VAV3: variants seen among roughly 807,000 people sequenced by gnomAD.
VAV3 encodes the protein vav guanine nucleotide exchange factor 3, also known as guanine nucleotide exchange factor VAV3.
In VAV3, 94 loss-of-function variants were observed where a neutral mutation model predicts 131.2. The observed-to-expected ratio is 0.72, with a 90% CI of 0.61 to 0.85. The LOEUF is 0.85. Among genes scored for constraint, VAV3 ranks in the 40% least tolerant of loss-of-function variants. VAV3 has a pLI of 0.00. For synonymous variants in VAV3, 349 were observed against 342.0 expected (o/e 1.02, Z -0.22); for missense variants, 939 against 1,002.7 (o/e 0.94, Z 0.86).
Position 107,725,145 on chromosome 1 carries a change from G to A in VAV3, c.1503-20084C>T, listed in dbSNP as rs150671964. 2.3e-3 allele frequency among the ~76,000 whole-genome samples: 350 copies of A among 152,248 alleles called. 3 individuals carry two copies. The highest frequency in any genetic ancestry group is 7.8e-3 in the African/African-American group (323 of 41,562). Reference sequence around the variant, plus strand: ...ATAAAACCATGGAGAGGGGCATGTCGGTTTAGAGAGGTCACTCTTACAACA... The same window carrying A: ...ATAAAACCATGGAGAGGGGCATGTCAGTTTAGAGAGGTCACTCTTACAACA... On this transcript the variant is annotated intron_variant, in intron 15 of 26. Coordinates refer to ENST00000370056, the MANE Select transcript of VAV3 (RefSeq NM_006113.5).
rs1674275749 is a variant in VAV3, at chr1:107,946,628, A to G, written c.204+18038T>C. On this transcript the variant is annotated intron_variant, in intron 1 of 26. Coordinates refer to ENST00000370056, the MANE Select transcript of VAV3 (RefSeq NM_006113.5). ...AAGGACATGGACAGTCATGCTATCC[A>G]TAAAAGAGAAGGACTGAAAATAATC... Among the ~76,000 whole-genome samples, 3 of 152,254 alleles carry G rather than the reference A, an allele frequency of 2.0e-5. No individual in the cohort carries two copies. In the South Asian group the frequency reaches 6.2e-4, roughly 31 times the overall value.
At chr1:107,616,384 T>C (rs912780320) in intron 21 of VAV3, among the ~76,000 whole-genome samples, 1 of 152,016 alleles carries the variant, frequency 6.6e-6, no homozygotes, top group African/African-American at 2.4e-5. Context: ...AAAGTTAAAA[T>C]TGAGTATACA....
chr1:107,679,795 C>T (rs956315710), intron 19 of VAV3, among the ~76,000 whole-genome samples: 1 of 152,124 alleles, frequency 6.6e-6, no homozygotes, highest in African/African-American at 2.4e-5. Flanking sequence ...GGCCTAGCAC[C>T]TCCGTGTTCC....
chr1:107,803,511 G>T (rs1666922141), intron 2 of VAV3, among the ~76,000 whole-genome samples: 1 of 152,026 alleles, frequency 6.6e-6, no homozygotes, highest in African/African-American at 2.4e-5. Context: ...TTGACCCTTT[G>T]GTCATTTAGG....
rs562570970 is a variant in VAV3, at chr1:107,939,698, C to T, written c.204+24968G>A. Among the ~76,000 whole-genome samples the T allele has an allele frequency of 8.6e-4, 131 of 152,164 alleles. 1 individual carries two copies. Among genetic ancestry groups the T allele is most frequent in the African/African-American group, 3.1e-3 (129 of 41,504 alleles). ...ATAGTCTGTCTTAGCCTGAGTTTCC[C>T]AGAAAGTAGAAGTTTAGACAAAATC... On this transcript the variant is annotated intron_variant, in intron 1 of 26. Coordinates refer to ENST00000370056, the MANE Select transcript of VAV3 (RefSeq NM_006113.5).
At chr1:107,613,524 C>A (rs1178677662) in intron 21 of VAV3, among the ~76,000 whole-genome samples, 1 of 152,066 alleles carries the variant, frequency 6.6e-6, no homozygotes, top group Non-Finnish European at 1.5e-5. Flanking sequence ...ATACCTGAAT[C>A]ATTTTCATAT....
chr1:107,863,481 G>C (rs575700123), intron 2 of VAV3, among the ~76,000 whole-genome samples: 85 of 152,286 alleles, frequency 5.6e-4, no homozygotes, highest in African/African-American at 1.9e-3. Flanking sequence ...CCCTTTGTCA[G>C]AATCAGTGCA....
At chr1:107,668,462 G>A (rs575910850) in intron 19 of VAV3, among the ~76,000 whole-genome samples, 2 of 152,132 alleles carry the variant, frequency 1.3e-5, no homozygotes, top group Non-Finnish European at 2.9e-5. Context: ...CAGCTTTGTT[G>A]TGAAATTAAA....
intron 1 of VAV3, among the ~76,000 whole-genome samples, chr1:107,877,221 A>G (rs1233214146): frequency 3.3e-5 from 5 of 152,206 alleles, no homozygotes; most frequent in Admixed American, 6.6e-5. Flanking sequence ...CTCTGCATGT[A>G]GCTCTTCCAC....
At chr1:107,779,736 T>C (rs1665582006) in intron 2 of VAV3, among the ~76,000 whole-genome samples, 1 of 152,084 alleles carries the variant, frequency 6.6e-6, no homozygotes, top group African/African-American at 2.4e-5. Flanking sequence ...CCCATTTGAG[T>C]TGCAGATTCT....
intron 2 of VAV3, among the ~76,000 whole-genome samples, chr1:107,868,628 T>C (rs1670112167): frequency 6.6e-6 from 1 of 152,182 alleles, no homozygotes; most frequent in South Asian, 2.1e-4. Flanking sequence ...ACTGTACTTC[T>C]ATTTTATTAT....
intron 1 of VAV3, among the ~76,000 whole-genome samples, chr1:107,891,081 G>T (rs1671288479): frequency 6.6e-6 from 1 of 151,816 alleles, no homozygotes; most frequent in Admixed American, 6.6e-5. Context: ...CCACTGGCCT[G>T]GTTTCCACAG....
intron 20 of VAV3, among the ~76,000 whole-genome samples, chr1:107,630,191 T>C (rs1466327720): frequency 6.6e-6 from 1 of 152,118 alleles, no homozygotes; most frequent in Non-Finnish European, 1.5e-5. Flanking sequence ...CTATCCTGAG[T>C]TCTGATCATT....
chr1:107,756,713 T>G (rs1437187865), intron 11 of VAV3, among the ~76,000 whole-genome samples: 3 of 152,048 alleles, frequency 2.0e-5, no homozygotes, highest in African/African-American at 7.2e-5. Context: ...GTCTTTTCTA[T>G]TCATAATTTT....
chr1:107,602,987 T>C (rs1651983132), intron 23 of VAV3, 60 bp downstream of exon 23: 4 of 1,360,650 alleles, frequency 2.9e-6, no homozygotes, highest in Non-Finnish European at 4.2e-6. Context: ...ACATGTCAGA[T>C]GGTCTATGCA....
intron 1 of VAV3, among the ~76,000 whole-genome samples, chr1:107,876,207 G>A (rs1200215240): frequency 6.6e-6 from 1 of 152,164 alleles, no homozygotes; most frequent in Non-Finnish European, 1.5e-5. Flanking sequence ...CGGCCAAATA[G>A]GATTTAGACC....
chr1:107,748,908 T>C lies in VAV3; in HGVS notation c.1502+60A>G, dbSNP rs972867583. ...TTAGAGTACACTTATTGGTTGTTCATTATTCATAAGTGATTTAACTAGTAA... is the reference window on the plus strand; with the variant it reads ...TTAGAGTACACTTATTGGTTGTTCACTATTCATAAGTGATTTAACTAGTAA... On this transcript the variant is annotated intron_variant, in intron 15 of 26. Transcript: ENST00000370056. 6 of 1,223,694 alleles carry C rather than the reference T, an allele frequency of 4.9e-6. No individual in the cohort carries two copies. The Middle Eastern group carries it at 8.2e-4, about 167-fold the overall frequency. The allele number at this position is 1,223,694 out of a possible 1,614,324, so 75.8% of individuals were successfully genotyped here.
chr1:107,590,411 T>C (rs1650854866), intron 25 of VAV3, among the ~76,000 whole-genome samples: 1 of 152,160 alleles, frequency 6.6e-6, no homozygotes, highest in Non-Finnish European at 1.5e-5. Context: ...TCCTGGCTTC[T>C]AGGGCTCCAG....
chr1:107,791,377 G>A (rs1371334809), intron 2 of VAV3, among the ~76,000 whole-genome samples: 1 of 44,174 alleles, frequency 2.3e-5, no homozygotes. Context: ...GTTTTTTTTG[G>A]TGATATCAAA....
Sources: gnomAD v4.1 joint callset for allele counts (sites outside exome capture counted in the v4.1 genomes callset) on GRCh38, gnomAD v4.1.1 for gene constraint, MANE v1.5 for transcripts, NCBI Gene and HGNC (gene_info 2026-07-23, HGNC 2026-07-21) for gene names.